The following ZMAT4 variants were observed in gnomAD, a reference collection of about 807,000 sequenced individuals.
ZMAT4 encodes zinc finger matrin-type protein 4.
Under a neutral mutation model 28.7 loss-of-function variants are expected in ZMAT4, and 17 were observed. The observed-to-expected ratio is 0.59, with a 90% CI of 0.41 to 0.89. The LOEUF is 0.89. Ranked by LOEUF, ZMAT4 falls within the 40% of genes least tolerant of loss-of-function variation. ZMAT4 has a pLI of 0.00. For synonymous variants in ZMAT4, 117 were observed against 109.2 expected (o/e 1.07, Z -0.44); for missense variants, 240 against 283.8 (o/e 0.85, Z 1.11).
intron 3 of ZMAT4, among the ~76,000 whole-genome samples, chr8:40,725,915 C>T (rs988075994): frequency 2.0e-5 from 3 of 152,238 alleles, no homozygotes; most frequent in Non-Finnish European, 4.4e-5. Flanking sequence ...GTGCTGTGCA[C>T]ATTTGCATAA....
chr8:40,790,138 A>T (rs570360140), intron 2 of ZMAT4, among the ~76,000 whole-genome samples: 2 of 152,328 alleles, frequency 1.3e-5, no homozygotes, highest in East Asian at 3.9e-4. Flanking sequence ...CTCTCTTGCT[A>T]TAGCAAGCTC....
intron 3 of ZMAT4, among the ~76,000 whole-genome samples, chr8:40,698,192 C>T (rs1809981042): frequency 6.6e-6 from 1 of 152,012 alleles, no homozygotes; most frequent in South Asian, 2.1e-4. Context: ...TGTAATTTTC[C>T]TTTTTTTCAG....
At chr8:40,654,143 C>G (rs537748103) in intron 5 of ZMAT4, among the ~76,000 whole-genome samples, 75 of 152,282 alleles carry the variant, frequency 4.9e-4, no homozygotes, top group African/African-American at 1.7e-3. Context: ...TAGTCATAGG[C>G]AAAATAAATC....
intron 1 of ZMAT4, among the ~76,000 whole-genome samples, chr8:40,861,149 G>A (rs1441536960): frequency 2.6e-5 from 4 of 152,182 alleles, no homozygotes; most frequent in African/African-American, 9.6e-5. Flanking sequence ...CTAGGGCCAG[G>A]GGGGACCCTG....
chr8:40,843,016 A>G (rs909371988), intron 1 of ZMAT4, among the ~76,000 whole-genome samples: 2 of 152,126 alleles, frequency 1.3e-5, no homozygotes, highest in African/African-American at 2.4e-5. Context: ...ACCTCAGGTG[A>G]TCTACCCACC....
At chr8:40,716,600 G>A (rs2150512847) in intron 3 of ZMAT4, among the ~76,000 whole-genome samples, 1 of 152,344 alleles carries the variant, frequency 6.6e-6, no homozygotes, top group East Asian at 1.9e-4. Flanking sequence ...GCTGAGGCAG[G>A]AGAATCGCTT....
intron 2 of ZMAT4, among the ~76,000 whole-genome samples, chr8:40,775,431 T>C (rs966075708): frequency 6.6e-6 from 1 of 152,146 alleles, no homozygotes; most frequent in Non-Finnish European, 1.5e-5. Flanking sequence ...AGGAAACGTC[T>C]CAGCAGGTGA....
intron 1 of ZMAT4, among the ~76,000 whole-genome samples, chr8:40,872,592 A>C (rs72642909): frequency 6.6e-6 from 1 of 152,282 alleles, no homozygotes; most frequent in Non-Finnish European, 1.5e-5. Context: ...GGGATTGCCA[A>C]GGGTGGCACA....
chr8:40,740,916 T>C (rs1320925827), intron 3 of ZMAT4, among the ~76,000 whole-genome samples: 1 of 152,094 alleles, frequency 6.6e-6, no homozygotes, highest in Non-Finnish European at 1.5e-5. Context: ...TTATACATTC[T>C]TGAAGAATCT....
intron 4 of ZMAT4, among the ~76,000 whole-genome samples, chr8:40,693,888 A>G (rs563587451): frequency 3.3e-5 from 5 of 152,340 alleles, no homozygotes; most frequent in Admixed American, 1.3e-4. Context: ...ACAGATCCCA[A>G]CTGCTCACCC....
chr8:40,573,702 G>C (rs974894729), intron 6 of ZMAT4, among the ~76,000 whole-genome samples: 2 of 152,154 alleles, frequency 1.3e-5, no homozygotes, highest in African/African-American at 2.4e-5. Flanking sequence ...CTGGAAATCT[G>C]TTTTGAGAAC....
At chr8:40,879,088 C>T (rs1394186826) in intron 1 of ZMAT4, among the ~76,000 whole-genome samples, 1 of 152,188 alleles carries the variant, frequency 6.6e-6, no homozygotes. Flanking sequence ...GTGCCTGATG[C>T]TGTCTCCACA....
chr8:40,776,541 A>T (rs1813603736), intron 2 of ZMAT4, among the ~76,000 whole-genome samples: 1 of 152,206 alleles, frequency 6.6e-6, no homozygotes, highest in South Asian at 2.1e-4. Context: ...TGTCTCTATG[A>T]TGTCTGTGCA....
intron 3 of ZMAT4, among the ~76,000 whole-genome samples, chr8:40,766,212 G>C (rs1459630749): frequency 1.3e-5 from 2 of 152,308 alleles, no homozygotes; most frequent in Non-Finnish European, 2.9e-5. Context: ...TCTTTGTGCA[G>C]GATGTTAATA....
At chr8:40,637,320 A>T (rs929928683) in intron 5 of ZMAT4, among the ~76,000 whole-genome samples, 7 of 152,216 alleles carry the variant, frequency 4.6e-5, no homozygotes, top group Admixed American at 3.3e-4. Context: ...AACAGTTAAC[A>T]TGGGAATTGC....
rs565619868 is a variant in ZMAT4, at chr8:40,630,280, C to T, written c.577+44424G>A. 1.8e-4 allele frequency among the ~76,000 whole-genome samples: 27 copies of T among 152,266 alleles called. No individual in the cohort carries two copies. The East Asian group carries it at 4.8e-3, about 27-fold the overall frequency. On this transcript the variant is annotated intron_variant, in intron 5 of 6. Coordinates refer to ENST00000297737, the MANE Select transcript of ZMAT4 (RefSeq NM_024645.3). The stretch of plus-strand genomic sequence containing the variant: ...TTCAAATGTCTCTCCTGCCTATAGA[C>T]GTGTCCACAGTTAGAAAACAATAAC...
chr8:40,686,576 C>T (rs985762910), intron 4 of ZMAT4, among the ~76,000 whole-genome samples: 5 of 152,054 alleles, frequency 3.3e-5, no homozygotes, highest in Non-Finnish European at 7.4e-5. Flanking sequence ...TGCAGTGAGC[C>T]GTGGTTGTGC....
At chr8:40,758,337 G>A (rs757123570) in intron 3 of ZMAT4, among the ~76,000 whole-genome samples, 10 of 152,128 alleles carry the variant, frequency 6.6e-5, no homozygotes, top group Non-Finnish European at 8.8e-5. Context: ...CACATCAGTC[G>A]TAAGAGAAAG....
In ZMAT4 at chr8:40,799,207, G is replaced by A. The variant is rs113656872; in HGVS notation, c.102+26368C>T. 8.3e-5 allele frequency among the ~76,000 whole-genome samples: 6 copies of A among 72,542 alleles called. No individual in the cohort carries two copies. The East Asian group carries it at 1.7e-3, about 21-fold the overall frequency. 47.6% of individuals were successfully genotyped at this position (72,542 alleles called of 152,430 possible). A position where few individuals can be genotyped will look rare whatever the true frequency, so the allele number is the denominator to read the frequency against. The stretch of plus-strand genomic sequence containing the variant: ...GAGAGACAGAGAGAAGGATAGATGG[G>A]TGGATGGATGGATGGATGGATAGAT... On this transcript the variant is annotated intron_variant, in intron 2 of 6. Coordinates refer to ENST00000297737, the MANE Select transcript of ZMAT4 (RefSeq NM_024645.3).
Sources: gnomAD v4.1 joint callset for allele counts (sites outside exome capture counted in the v4.1 genomes callset) on GRCh38, gnomAD v4.1.1 for gene constraint, MANE v1.5 for transcripts, NCBI Gene and HGNC (gene_info 2026-07-23, HGNC 2026-07-21) for gene names.